The following AGBL4 variants were observed in gnomAD, a reference collection of about 807,000 sequenced individuals.
AGBL4 encodes the protein cytosolic carboxypeptidase 6.
Under a neutral mutation model 66.4 loss-of-function variants are expected in AGBL4, and 58 were observed. The ratio of observed to expected loss-of-function variants is 0.87; its 90% confidence interval spans 0.71 to 1.09. The LOEUF (loss-of-function observed/expected upper bound fraction) is 1.09. AGBL4 is among the 50% of genes least tolerant of loss of function. The probability of loss-of-function intolerance (pLI) is 0.00; values close to 1 mark genes in which losing one functional copy is unlikely to be tolerated. For synonymous variants in AGBL4, 234 were observed against 222.9 expected, an observed-to-expected ratio of 1.05 and a Z score of -0.44; for missense variants, 579 against 631.0, an observed-to-expected ratio of 0.92 and a Z score of 0.88.
At chr1:49,777,597 G>A (rs1008049968) in intron 2 of AGBL4, among the ~76,000 whole-genome samples, 1 of 152,130 alleles carries the variant, frequency 6.6e-6, no homozygotes, top group Non-Finnish European at 1.5e-5. Flanking sequence ...GCACTCCAAA[G>A]TTTATGCATA....
rs1450653293 is a variant in AGBL4 at position 49,046,813 on chromosome 1, A to G, written c.378-1013T>C. Among the ~76,000 whole-genome samples the G allele has an allele frequency of 2.0e-5, 3 of 152,096 alleles. No individual in the cohort carries two copies. The East Asian group carries it at 5.8e-4, about 29-fold the overall frequency. On this transcript the variant is annotated intron_variant, in intron 4 of 13. Coordinates refer to ENST00000371839, the MANE Select transcript of AGBL4 (RefSeq NM_032785.4). Reference sequence around the variant, plus strand: ...ATTGCTTAATAAGTCTTAACCACCAAGGTTGATTTGGAAGATCCTTAAAGG... The same window carrying G: ...ATTGCTTAATAAGTCTTAACCACCAGGGTTGATTTGGAAGATCCTTAAAGG...
At chr1:49,378,733 C>A (rs777237932) in intron 3 of AGBL4, among the ~76,000 whole-genome samples, 3 of 152,120 alleles carry the variant, frequency 2.0e-5, no homozygotes, top group Non-Finnish European at 4.4e-5. Context: ...AAGCCCCAGA[C>A]TGTGATGTAG....
chr1:49,179,288 G>C (rs758192009), intron 4 of AGBL4, among the ~76,000 whole-genome samples: 1 of 152,086 alleles, frequency 6.6e-6, no homozygotes, highest in African/African-American at 2.4e-5. Flanking sequence ...AGTGAGAAAT[G>C]TACAGATTCA....
chr1:49,660,031 A>G (rs1646236607), intron 3 of AGBL4, among the ~76,000 whole-genome samples: 1 of 152,192 alleles, frequency 6.6e-6, no homozygotes, highest in African/African-American at 2.4e-5. Context: ...CATTCAGGGA[A>G]TAGGCATAAG....
chr1:49,857,076 T>C (rs1049630439), intron 1 of AGBL4, among the ~76,000 whole-genome samples: 4 of 151,474 alleles, frequency 2.6e-5, no homozygotes, highest in Admixed American at 6.6e-5. Flanking sequence ...ACTATTTCTA[T>C]ACATGAATAG....
rs542191874 is a variant in AGBL4 at position 49,136,272 on chromosome 1, C to A, written c.378-90472G>T. Among the ~76,000 whole-genome samples, 10 of 152,232 alleles carry A rather than the reference C, an allele frequency of 6.6e-5. No individual in the cohort carries two copies. In the South Asian group the frequency reaches 1.9e-3, roughly 28 times the overall value. On this transcript the variant is annotated intron_variant, in intron 4 of 13. Coordinates refer to ENST00000371839, the MANE Select transcript of AGBL4 (RefSeq NM_032785.4). Reference sequence around the variant, plus strand: ...TTTGAAAAGGAACGTTTACTAGGTGCTGGTCATTTCACTGGCTTCAATTCA... The same window carrying A: ...TTTGAAAAGGAACGTTTACTAGGTGATGGTCATTTCACTGGCTTCAATTCA...
chr1:48,875,645 C>T (rs2148834794), intron 5 of AGBL4, among the ~76,000 whole-genome samples: 1 of 152,248 alleles, frequency 6.6e-6, no homozygotes, highest in African/African-American at 2.4e-5. Context: ...CTTGGTTCAG[C>T]CTCTGGCGGC....
chr1:49,121,371 G>C (rs1034618251), intron 4 of AGBL4, among the ~76,000 whole-genome samples: 1 of 152,164 alleles, frequency 6.6e-6, no homozygotes, highest in Non-Finnish European at 1.5e-5. Flanking sequence ...TTTGATGTTG[G>C]TGACCTACAG....
intron 3 of AGBL4, among the ~76,000 whole-genome samples, chr1:49,575,626 T>C (rs1484158057): frequency 6.6e-6 from 1 of 152,210 alleles, no homozygotes; most frequent in African/African-American, 2.4e-5. Flanking sequence ...AGTGGATTAT[T>C]ATAAGCTTAA....
intron 3 of AGBL4, among the ~76,000 whole-genome samples, chr1:49,601,292 A>G (rs949463780): frequency 1.7e-4 from 25 of 151,084 alleles, no homozygotes; most frequent in African/African-American, 5.8e-4. Context: ...GTCTTTTCAC[A>G]TGGTCCCATA....
intron 4 of AGBL4, among the ~76,000 whole-genome samples, chr1:49,105,933 A>T (rs556051226): frequency 4.0e-4 from 61 of 152,280 alleles, no homozygotes; most frequent in African/African-American, 1.4e-3. Flanking sequence ...TACTGACTAA[A>T]CTCTTTTTAT....
intron 4 of AGBL4, among the ~76,000 whole-genome samples, chr1:49,122,269 C>A (rs980708231): frequency 2.0e-5 from 3 of 152,196 alleles, no homozygotes. Flanking sequence ...GTTGGAAATG[C>A]AGAAATCACC....
At chr1:49,673,547 C>G (rs1486592576) in intron 3 of AGBL4, among the ~76,000 whole-genome samples, 1 of 152,096 alleles carries the variant, frequency 6.6e-6, no homozygotes, top group Non-Finnish European at 1.5e-5. Flanking sequence ...ATACCTATAT[C>G]AAAACATCTC....
intron 6 of AGBL4, among the ~76,000 whole-genome samples, chr1:48,814,327 T>G (rs1380443817): frequency 6.6e-6 from 1 of 151,096 alleles, no homozygotes; most frequent in African/African-American, 2.4e-5. Context: ...TTAAAAATAT[T>G]TTTTAATTGA....
At chr1:49,343,302 G>T (rs765090597) in intron 3 of AGBL4, among the ~76,000 whole-genome samples, 7 of 152,144 alleles carry the variant, frequency 4.6e-5, no homozygotes, top group Non-Finnish European at 8.8e-5. Flanking sequence ...AAAGCAGATA[G>T]ATCCCTCTCA....
intron 5 of AGBL4, among the ~76,000 whole-genome samples, chr1:48,972,512 G>C (rs1658989977): frequency 6.6e-6 from 1 of 152,104 alleles, no homozygotes; most frequent in Non-Finnish European, 1.5e-5. Context: ...TCAATCCCGT[G>C]GGGTAGGCAT....
intron 3 of AGBL4, among the ~76,000 whole-genome samples, chr1:49,444,593 C>T (rs1437414713): frequency 6.6e-6 from 1 of 151,692 alleles, no homozygotes; most frequent in Non-Finnish European, 1.5e-5. Flanking sequence ...AGTATTGCTA[C>T]TCCTGCTTGC....
intron 5 of AGBL4, among the ~76,000 whole-genome samples, chr1:48,937,549 C>G (rs1241930776): frequency 6.6e-6 from 1 of 152,176 alleles, no homozygotes; most frequent in Non-Finnish European, 1.5e-5. Context: ...TCACTAACTG[C>G]TACCCCAGAG....
At chr1:49,753,804 T>C (rs1651665006) in intron 2 of AGBL4, among the ~76,000 whole-genome samples, 1 of 152,210 alleles carries the variant, frequency 6.6e-6, no homozygotes, top group African/African-American at 2.4e-5. Flanking sequence ...TCTTCACGCT[T>C]TATTTCATTA....
Sources: gnomAD v4.1 joint callset for allele counts (sites outside exome capture counted in the v4.1 genomes callset) on GRCh38, gnomAD v4.1.1 for gene constraint, MANE v1.5 for transcripts, NCBI Gene and HGNC (gene_info 2026-07-23, HGNC 2026-07-21) for gene names.